The following STIM1 variants were observed in gnomAD, a reference collection of about 807,000 sequenced individuals.
STIM1 encodes stromal interaction molecule 1.
In STIM1, 25 loss-of-function variants were observed where a neutral mutation model predicts 74.7. That is an observed-to-expected ratio of 0.33 (90% CI 0.24 to 0.47). The LOEUF (loss-of-function observed/expected upper bound fraction) is 0.47, where lower values mean the gene tolerates loss of function less well. Ranked by LOEUF, STIM1 falls within the 20% of genes least tolerant of loss-of-function variation. The pLI is 1.00. For missense variants in STIM1, 728 were observed against 920.8 expected, an observed-to-expected ratio of 0.79 and a Z score of 2.71; for synonymous variants, 328 against 348.8, an observed-to-expected ratio of 0.94 and a Z score of 0.66.
At chr11:4,086,189 T>C in intron 11 of STIM1, 1 of 493,268 alleles carries the variant, frequency 2.0e-6, no homozygotes, top group Middle Eastern at 5.6e-4. Context: ...TACCCTTCCT[T>C]GCTTGTGTCT....
chr11:3,922,179 C>G (rs149856358), intron 1 of STIM1, among the ~76,000 whole-genome samples: 1 of 152,112 alleles, frequency 6.6e-6, no homozygotes, highest in Non-Finnish European at 1.5e-5. Context: ...TTTTCAACAT[C>G]TAGTATTTCC....
In STIM1 at chr11:4,059,264, A is replaced by G; in HGVS notation, c.498-17A>G. 2 of 1,608,578 alleles carry G rather than the reference A, an allele frequency of 1.2e-6. No individual in the cohort carries two copies. Among genetic ancestry groups the G allele is most frequent in the Non-Finnish European group, 8.5e-7 (1 of 1,175,158 alleles). On this transcript the variant is annotated splice_polypyrimidine_tract_variant and intron_variant, in intron 4 of 12. Coordinates refer to ENST00000526596, the MANE Select transcript of STIM1 (RefSeq NM_001382567.1). ...TTTACTGGGAGGGAACTGATCTGCT[A>G]CTCTTTGCCTCAACAGGCTGGCTGT...
chr11:3,855,364 A>G (rs1398301411), upstream of STIM1: 1 of 150,390 alleles, frequency 6.6e-6, no homozygotes, highest in Non-Finnish European at 1.5e-5. Flanking sequence ...TACCTGAGTA[A>G]CTGCGGGTCA....
intron 1 of STIM1, among the ~76,000 whole-genome samples, chr11:3,869,208 ATCCGCCCGCC>A (rs2090982346): frequency 1.3e-5 from 2 of 152,126 alleles, no homozygotes; most frequent in Non-Finnish European, 1.5e-5. Context: ...TGACCTCGTG[ATCCGCCCGCC>A]TCCACTTCCC....
In STIM1 at chr11:4,091,953, T is replaced by C; in HGVS notation, c.*155T>C. The stretch of plus-strand genomic sequence containing the variant: ...ACTGTACATACCTGCCCCCTCATCC[T>C]TGGGTCCTTCATTATTATTTATTAA... On this transcript the variant is annotated 3_prime_UTR_variant, in exon 13 of 13. Coordinates refer to ENST00000526596, the MANE Select transcript of STIM1 (RefSeq NM_001382567.1). 2.9e-6 allele frequency: 3 copies of C among 1,018,230 alleles called. No individual in the cohort carries two copies. Among genetic ancestry groups the C allele is most frequent in the Admixed American group, 2.1e-5 (1 of 46,574 alleles). 63.1% of individuals were successfully genotyped at this position (1,018,230 alleles called of 1,614,324 possible).
Position 4,023,980 on chromosome 11 carries a change from A to T in STIM1, c.378A>T (p.Ser126=), listed in dbSNP as rs1474841835. The change falls in exon 3 of 13, where the codon TCA becomes TCT. Residue 126 remains serine (S), a synonymous_variant. Transcript: ENST00000526596. ...SVEDLWKAWK[S]SEVYNWTVDE... Reference sequence around the variant, plus strand: ...AGGACCTGTGGAAGGCATGGAAGTCATCAGAAGGTAATAGGCAGCCTGGTC... The same window carrying T: ...AGGACCTGTGGAAGGCATGGAAGTCTTCAGAAGGTAATAGGCAGCCTGGTC... The T allele has an allele frequency of 1.2e-6, 2 of 1,613,798 alleles. No individual in the cohort carries two copies. The highest frequency in any genetic ancestry group is 1.7e-6 in the Non-Finnish European group (2 of 1,179,704).
At chr11:3,875,011 G>T (rs113244169) in intron 1 of STIM1, among the ~76,000 whole-genome samples, 12,251 of 144,720 alleles carry the variant, frequency 0.085, 688 homozygotes, top group Middle Eastern at 0.16. Context: ...TTTATTGTTT[G>T]TTTGTTTGTT....
At chr11:3,952,065 T>G (rs1590595594) in intron 1 of STIM1, among the ~76,000 whole-genome samples, 1 of 152,146 alleles carries the variant, frequency 6.6e-6, no homozygotes, top group East Asian at 1.9e-4. Context: ...AGCACTGGGC[T>G]AGACACAGGG....
intron 2 of STIM1, among the ~76,000 whole-genome samples, chr11:4,018,460 A>AAAAC (rs2093922285): frequency 8.5e-6 from 1 of 117,806 alleles, no homozygotes; most frequent in African/African-American, 5.4e-5. Flanking sequence ...CTCCGTCTCA[A>AAAAC]AAAAAAAAAA....
At chr11:4,078,538 G>A (rs918770101) in intron 7 of STIM1, among the ~76,000 whole-genome samples, 1 of 150,524 alleles carries the variant, frequency 6.6e-6, no homozygotes, top group African/African-American at 2.4e-5. Context: ...CTAGTCTAGT[G>A]GTTTTCACAC....
intron 1 of STIM1, among the ~76,000 whole-genome samples, chr11:3,893,435 C>T (rs1374051729): frequency 1.3e-5 from 2 of 152,154 alleles, no homozygotes; most frequent in African/African-American, 2.4e-5. Context: ...TTGCTCATGC[C>T]GATTAGTTCT....
chr11:4,055,038 G>T (rs553604602), intron 3 of STIM1, among the ~76,000 whole-genome samples: 1 of 152,136 alleles, frequency 6.6e-6, no homozygotes, highest in African/African-American at 2.4e-5. Flanking sequence ...CCTTATGAAT[G>T]CTCAGTTGAA....
chr11:4,085,867 T>C (rs1195878121), intron 11 of STIM1, among the ~76,000 whole-genome samples: 3 of 152,220 alleles, frequency 2.0e-5, no homozygotes, highest in Non-Finnish European at 4.4e-5. Flanking sequence ...GTATCCTTTT[T>C]CCCCTCTGAA....
intron 2 of STIM1, among the ~76,000 whole-genome samples, chr11:3,992,583 G>T (rs1443771482): frequency 2.0e-5 from 3 of 151,950 alleles, no homozygotes; most frequent in Non-Finnish European, 2.9e-5. Flanking sequence ...CACTTTCTTG[G>T]TTGTATCCTT....
chr11:3,952,695 A>G (rs778017999), intron 1 of STIM1, among the ~76,000 whole-genome samples: 2 of 152,222 alleles, frequency 1.3e-5, no homozygotes, highest in Non-Finnish European at 2.9e-5. Flanking sequence ...GCCTTTGCCT[A>G]GTTCAGCTAG....
At chr11:4,013,999 G>A (rs1463913974) in intron 2 of STIM1, among the ~76,000 whole-genome samples, 2 of 151,844 alleles carry the variant, frequency 1.3e-5, no homozygotes, top group African/African-American at 2.4e-5. Flanking sequence ...CAGCCACCAC[G>A]CCTGGCTGAT....
rs549819467 is a variant in STIM1 at position 4,047,697 on chromosome 11, G to C, written c.386-7829G>C. On this transcript the variant is annotated intron_variant, in intron 3 of 12. Coordinates refer to ENST00000526596, the MANE Select transcript of STIM1 (RefSeq NM_001382567.1). The stretch of plus-strand genomic sequence containing the variant: ...CCTAGCATGGTAGTAGTACATGCCT[G>C]TAGTCTTAGCTACTCAGGAAGCTGA... 2.6e-5 allele frequency among the ~76,000 whole-genome samples: 4 copies of C among 152,222 alleles called. No individual in the cohort carries two copies. In the East Asian group the frequency reaches 7.7e-4, roughly 29 times the overall value.
intron 10 of STIM1, among the ~76,000 whole-genome samples, chr11:4,084,265 T>C (rs573931291): frequency 1.3e-5 from 2 of 152,358 alleles, no homozygotes; most frequent in East Asian, 3.9e-4. Flanking sequence ...GTAAAGCTAT[T>C]GTCCTAGGCC....
At chr11:4,016,600 G>A (rs1288025223) in intron 2 of STIM1, among the ~76,000 whole-genome samples, 3 of 152,248 alleles carry the variant, frequency 2.0e-5, no homozygotes, top group South Asian at 2.1e-4. Flanking sequence ...AGGCAGGGAC[G>A]TTTAAGTCTG....
Sources: allele counts gnomAD v4.1 joint callset (sites outside exome capture counted in the v4.1 genomes callset), GRCh38; gene constraint gnomAD v4.1.1; transcripts MANE v1.5; gene names NCBI Gene and HGNC (gene_info 2026-07-23, HGNC 2026-07-21).